The following DPH5 variants were observed in gnomAD, a reference collection of about 807,000 sequenced individuals.
DPH5 encodes diphthamide biosynthesis 5.
A neutral mutation model predicts 31.6 loss-of-function variants in DPH5; 31 were observed. That is an observed-to-expected ratio of 0.98 (90% CI 0.74 to 1.32). The LOEUF (loss-of-function observed/expected upper bound fraction) is 1.32. Ranked by LOEUF, DPH5 falls within the 40% of genes most tolerant of loss-of-function variation. DPH5 has a pLI of 0.00. For missense variants in DPH5, 309 were observed against 335.7 expected, an observed-to-expected ratio of 0.92 and a Z score of 0.62; for synonymous variants, 120 against 115.0, an observed-to-expected ratio of 1.04 and a Z score of -0.28.
intron 4 of DPH5, among the ~76,000 whole-genome samples, chr1:101,003,617 A>G (rs932750943): frequency 2.0e-5 from 3 of 152,226 alleles, no homozygotes; most frequent in African/African-American, 7.2e-5. Context: ...AATGACACAA[A>G]GTATGCAGAG....
intron 4 of DPH5, among the ~76,000 whole-genome samples, chr1:101,006,806 A>G (rs1213392980): frequency 6.6e-6 from 1 of 152,204 alleles, no homozygotes; most frequent in Non-Finnish European, 1.5e-5. Flanking sequence ...CTAGAAATGC[A>G]TTATATAAAC....
intron 5 of DPH5, chr1:100,995,406 G>C (rs562194719): frequency 5.4e-6 from 2 of 367,312 alleles, no homozygotes; most frequent in East Asian, 5.2e-5. Flanking sequence ...ACAAGGGAAA[G>C]AATTAGATAA....
chr1:100,996,503 C>T (rs907924108), intron 5 of DPH5, among the ~76,000 whole-genome samples: 1 of 151,968 alleles, frequency 6.6e-6, no homozygotes. Flanking sequence ...TTATTCCTCT[C>T]TATTTCTACT....
intron 3 of DPH5, among the ~76,000 whole-genome samples, 178 bp from the exon 4 acceptor site, chr1:101,013,996 C>T (rs987544211): frequency 2.0e-5 from 3 of 152,214 alleles, no homozygotes; most frequent in African/African-American, 7.2e-5. Context: ...CAAGACTAAA[C>T]ATGCCCTTCA....
chr1:101,018,607 T>C (rs1660247671), intron 3 of DPH5, among the ~76,000 whole-genome samples: 1 of 152,202 alleles, frequency 6.6e-6, no homozygotes, highest in African/African-American at 2.4e-5. Flanking sequence ...GCCAGAAATT[T>C]AGTAATGTTT....
At chr1:101,012,351 A>G (rs1233772140) in intron 4 of DPH5, among the ~76,000 whole-genome samples, 1 of 152,172 alleles carries the variant, frequency 6.6e-6, no homozygotes, top group East Asian at 1.9e-4. Flanking sequence ...AGCAGAAAAG[A>G]GGGATGAGGA....
At chr1:101,009,252 GA>G (rs760336619) in intron 4 of DPH5, among the ~76,000 whole-genome samples, 3 of 152,178 alleles carry the variant, frequency 2.0e-5, no homozygotes, top group African/African-American at 2.4e-5. Context: ...AGCACAGAAA[GA>G]CTGGCACAGG....
chr1:101,019,495 T>G (rs957574722), intron 3 of DPH5, among the ~76,000 whole-genome samples: 1 of 152,158 alleles, frequency 6.6e-6, no homozygotes, highest in Non-Finnish European at 1.5e-5. Flanking sequence ...AATTTAAGAT[T>G]CAGCATCTTA....
intron 6 of DPH5, 36 bp downstream of exon 6, chr1:100,995,073 TA>T: frequency 6.8e-7 from 1 of 1,470,878 alleles, no homozygotes; most frequent in Non-Finnish European, 9.5e-7. Context: ...TTCAAGGAAA[TA>T]AAACACATGT....
intron 6 of DPH5, 89 bp downstream of exon 6, chr1:100,995,021 A>G (rs908315023): frequency 2.2e-6 from 2 of 913,188 alleles, no homozygotes; most frequent in Non-Finnish European, 3.5e-6. Context: ...ATTTTCAACC[A>G]TCTTTAGAAC....
Position 101,025,724 on chromosome 1 carries a change from T to C in DPH5, c.-65A>G, listed in dbSNP as rs769272309. ...AGGTAGTTCTCTGGCCTTTACAAAT[T>C]CTTAACTACCACCTTTCCGCAGAAG... is the stretch of plus-strand genomic sequence containing the variant. On this transcript the variant is annotated 5_prime_UTR_variant, in exon 1 of 8. Coordinates refer to ENST00000370109, the MANE Select transcript of DPH5 (RefSeq NM_015958.3). The C allele has an allele frequency of 1.6e-5, 6 of 376,926 alleles. No individual in the cohort carries two copies. The highest frequency in any genetic ancestry group is 2.9e-5 in the Non-Finnish European group (6 of 207,150). 23.3% of individuals were successfully genotyped at this position (376,926 alleles called of 1,614,324 possible).
At chr1:100,993,101 A>G (rs1238553447) in intron 6 of DPH5, among the ~76,000 whole-genome samples, 3 of 152,200 alleles carry the variant, frequency 2.0e-5, no homozygotes, top group Non-Finnish European at 4.4e-5. Flanking sequence ...TGTCCTTTTT[A>G]TGACCATTTT....
chr1:101,011,066 TAGGTTATTTTTTCTTCCATA>T (rs2101233808), intron 4 of DPH5, among the ~76,000 whole-genome samples: 1 of 152,272 alleles, frequency 6.6e-6, no homozygotes, highest in East Asian at 1.9e-4. Flanking sequence ...ACCACAGATT[TAGGTTATTTTTTCTTCCATA>T]AGCGCTAGTC....
At chr1:101,001,832 A>G (rs969510924) in intron 4 of DPH5, among the ~76,000 whole-genome samples, 13 of 152,184 alleles carry the variant, frequency 8.5e-5, no homozygotes, top group African/African-American at 3.1e-4. Flanking sequence ...CATTCTGTAT[A>G]GGAACATGTG....
At position 100,992,743 on chromosome 1, in the gene DPH5, A is replaced by G. The variant is rs750056412; in HGVS notation, c.531-3T>C. On this transcript the variant is annotated splice_region_variant and splice_polypyrimidine_tract_variant and intron_variant, in intron 6 of 7. Coordinates refer to ENST00000370109, the MANE Select transcript of DPH5 (RefSeq NM_015958.3). ...GAGGTTCATAGATCTTCCTTCCCCTATAGGCAGAAAACTAGATGCCACTGT... is the reference window on the plus strand; with the variant it reads ...GAGGTTCATAGATCTTCCTTCCCCTGTAGGCAGAAAACTAGATGCCACTGT... 2 of 1,605,688 alleles carry G rather than the reference A, an allele frequency of 1.2e-6. No homozygotes were observed. The highest frequency in any genetic ancestry group is 1.7e-5 in the Admixed American group (1 of 59,940).
chr1:101,003,621 T>A (rs1659027331), intron 4 of DPH5, among the ~76,000 whole-genome samples: 1 of 152,222 alleles, frequency 6.6e-6, no homozygotes, highest in South Asian at 2.1e-4. Context: ...ACACAAAGTA[T>A]GCAGAGTGCC....
intron 4 of DPH5, among the ~76,000 whole-genome samples, chr1:101,011,232 TA>T (rs913131560): frequency 7.2e-6 from 1 of 139,706 alleles, no homozygotes; most frequent in African/African-American, 2.8e-5. Context: ...CTTTTTATGT[TA>T]AAAAACTGTA....
chr1:101,025,324 T>A lies in DPH5; in HGVS notation c.120A>T (p.Val40=), dbSNP rs775632795. 1 of 1,614,192 alleles carries A rather than the reference T, an allele frequency of 6.2e-7. No homozygotes were observed. The highest frequency in any genetic ancestry group is 8.5e-7 in the Non-Finnish European group (1 of 1,180,022). Residue 40 remains valine, a synonymous_variant, in exon 2 of 8, where the codon GTA becomes GTT. Coordinates refer to ENST00000370109, the MANE Select transcript of DPH5 (RefSeq NM_015958.3). ...CAGCACCTACCAAGGCTTCCTTCCC[T>A]ACAGTTAGGACTGAGGTGTAGGCTT... ...YLEAYTSVLT[V]GKEALEEFYG...
chr1:101,018,449 G>A (rs1660235849), intron 3 of DPH5, among the ~76,000 whole-genome samples: 1 of 152,070 alleles, frequency 6.6e-6, no homozygotes. Flanking sequence ...ACATTGCCCA[G>A]GCTGGTTTCA....
Sources: gnomAD v4.1 joint callset for allele counts (sites outside exome capture counted in the v4.1 genomes callset) on GRCh38, gnomAD v4.1.1 for gene constraint, MANE v1.5 for transcripts, NCBI Gene and HGNC (gene_info 2026-07-23, HGNC 2026-07-21) for gene names.